MXD3: variants seen among roughly 807,000 people sequenced by gnomAD.
MXD3 encodes MAX dimerization protein 3.
A neutral mutation model predicts 27.5 loss-of-function variants in MXD3; 20 were observed. The observed-to-expected ratio is 0.73, with a 90% CI of 0.51 to 1.06. The LOEUF is 1.06. Ranked by LOEUF, MXD3 falls within the 50% of genes least tolerant of loss-of-function variation. The pLI, the probability that MXD3 is intolerant of heterozygous loss-of-function variation, is 0.00. For missense variants in MXD3, 298 were observed against 291.3 expected (o/e 1.02, Z -0.17); for synonymous variants, 150 against 130.7 (o/e 1.15, Z -1.01).
In MXD3 at chr5:177,311,646, G is replaced by A. The variant is rs1761042688; in HGVS notation, c.70+115C>T. The A allele has an allele frequency of 3.3e-6, 4 of 1,221,302 alleles. No individual in the cohort carries two copies. In the South Asian group the frequency reaches 6.3e-5, roughly 19 times the overall value. 75.7% of individuals were successfully genotyped at this position (1,221,302 alleles called of 1,614,324 possible). The stretch of plus-strand genomic sequence containing the variant: ...GGACTCCTCTCGAGTTGAGGGCGAG[G>A]CGCCCCGGGATTACTGTCCTAGGGC... On this transcript the variant is annotated intron_variant, in intron 1 of 5. Transcript: ENST00000439742.
chr5:177,307,905 C>T lies in MXD3; in HGVS notation c.381G>A (p.Gln127=). 6.3e-7 allele frequency: 1 copy of T among 1,599,840 alleles called. No individual in the cohort carries two copies. The highest frequency in any genetic ancestry group is 8.5e-7 in the Non-Finnish European group (1 of 1,173,854). The stretch of plus-strand genomic sequence containing the variant: ...GCTCCAGCTGCCGCTGCAGGCTCTG[C>T]TGCTTGCTGCGCAGCCTCTCCTTGA... The part of the protein sequence containing the change: ...RQLKERLRSK[Q]QSLQRQLEQL... Residue 127 remains glutamine, a synonymous_variant, in exon 5 of 6, where the codon CAG becomes CAA. Coordinates refer to ENST00000439742, the MANE Select transcript of MXD3 (RefSeq NM_031300.4).
At chr5:177,311,332 G>GCGGCGC (rs1489770753) in intron 2 of MXD3, 47 bp downstream of exon 2, 2 of 1,295,036 alleles carry the variant, frequency 1.5e-6, no homozygotes, top group East Asian at 6.1e-5. Context: ...CCGACCAGGG[G>GCGGCGC]CGGCGCCCAC....
At chr5:177,312,284 T>G (rs912475766), upstream of MXD3, 16 of 986,294 alleles carry the variant, frequency 1.6e-5, no homozygotes, top group African/African-American at 3.5e-5. Flanking sequence ...TGCACGTGGG[T>G]GCCGCGGGGG....
chr5:177,312,281 G>A (rs986701678), upstream of MXD3: 8 of 986,502 alleles, frequency 8.1e-6, no homozygotes, highest in African/African-American at 3.5e-5. Flanking sequence ...CGCTGCACGT[G>A]GGTGCCGCGG....
downstream of MXD3, chr5:177,307,152 A>C (rs574112845): frequency 6.5e-7 from 1 of 1,542,836 alleles, no homozygotes; most frequent in Non-Finnish European, 8.7e-7. Context: ...TTCCTCTTCC[A>C]GTGGGTCTGT....
upstream of MXD3, chr5:177,312,440 G>A (rs916327746): frequency 3.0e-6 from 3 of 985,460 alleles, no homozygotes; most frequent in African/African-American, 3.5e-5. Context: ...CACACGTTCG[G>A]GCGGGAAAAG....
At position 177,307,585 on chromosome 5, in the gene MXD3, ACAT is replaced by A. The variant is rs1439039930; in HGVS notation, c.621_*2del. 1.2e-6 allele frequency: 2 copies of A among 1,612,274 alleles called. No homozygotes were observed. Among genetic ancestry groups the A allele is most frequent in the South Asian group, 1.1e-5 (1 of 91,038 alleles). On this transcript the variant is annotated stop_lost and 3_prime_UTR_variant, in exon 6 of 6. Coordinates refer to ENST00000439742, the MANE Select transcript of MXD3 (RefSeq NM_031300.4). ...GGCAGAGGCCCGCCCTGGGTGAGGAACATCATAGCCAGGCGCCGCCGCCGTGCG... is the reference window on the plus strand; with the variant it reads ...GGCAGAGGCCCGCCCTGGGTGAGGAACATAGCCAGGCGCCGCCGCCGTGCG...
At chr5:177,309,622 G>A (rs1226492206) in intron 4 of MXD3, among the ~76,000 whole-genome samples, 2 of 152,242 alleles carry the variant, frequency 1.3e-5, no homozygotes, top group African/African-American at 4.8e-5. Flanking sequence ...AGCCCCCAGT[G>A]CCTAGAATAG....
chr5:177,307,187 T>G, downstream of MXD3: 1 of 1,550,550 alleles, frequency 6.4e-7, no homozygotes, highest in South Asian at 1.2e-5. Context: ...CCGTTTTCAT[T>G]AGGCAAGACT....
chr5:177,310,184 T>G (rs1336722352), intron 4 of MXD3, among the ~76,000 whole-genome samples: 1 of 152,220 alleles, frequency 6.6e-6, no homozygotes. Flanking sequence ...TGATAACAGC[T>G]GTAACAGCAA....
Position 177,311,804 on chromosome 5 carries a change from C to G in MXD3, c.27G>C (p.Gln9His). 6.2e-7 allele frequency: 1 copy of G among 1,613,000 alleles called. No individual in the cohort carries two copies. Among genetic ancestry groups the G allele is most frequent in the Non-Finnish European group, 8.5e-7 (1 of 1,179,446 alleles). The change falls in exon 1 of 6, where the codon CAG becomes CAC. Residue 9 changes from glutamine to histidine, a missense_variant. Gln to His is a conservative substitution (Grantham distance 24, BLOSUM62 0). Transcript: ENST00000439742. MEPLASNIQVLLQAAEFLE... is the reference protein window; with the variant it reads MEPLASNIHVLLQAAEFLE... The stretch of plus-strand genomic sequence containing the variant: ...GGAACTCGGCCGCCTGCAGCAGGAC[C>G]TGGATGTTGCTGGCCAAGGGTTCCA...
chr5:177,307,580 G>C lies in MXD3; in HGVS notation c.*8C>G. On this transcript the variant is annotated 3_prime_UTR_variant, in exon 6 of 6. Coordinates refer to ENST00000439742, the MANE Select transcript of MXD3 (RefSeq NM_031300.4). ...TAGAGGGCAGAGGCCCGCCCTGGGTGAGGAACATCATAGCCAGGCGCCGCC... is the reference window on the plus strand; with the variant it reads ...TAGAGGGCAGAGGCCCGCCCTGGGTCAGGAACATCATAGCCAGGCGCCGCC... The C allele has an allele frequency of 6.2e-7, 1 of 1,612,080 alleles. No individual in the cohort carries two copies. Among genetic ancestry groups the C allele is most frequent in the Non-Finnish European group, 8.5e-7 (1 of 1,179,838 alleles).
chr5:177,312,647 C>A, upstream of MXD3: 7 of 985,500 alleles, frequency 7.1e-6, no homozygotes, highest in Non-Finnish European at 8.4e-6. Flanking sequence ...GGAATAATAT[C>A]TCGGCCCCCC....
chr5:177,311,321 C>T, intron 2 of MXD3, 58 bp downstream of exon 2: 2 of 1,221,870 alleles, frequency 1.6e-6, no homozygotes, highest in Non-Finnish European at 2.2e-6. Context: ...CAGAGGAGGG[C>T]CCGACCAGGG....
intron 2 of MXD3, 138 bp from the exon 3 acceptor site, chr5:177,310,835 A>G: frequency 1.1e-6 from 1 of 936,520 alleles, no homozygotes; most frequent in Non-Finnish European, 1.7e-6. Flanking sequence ...TGCTGGCCTC[A>G]GACACCAGAG....
chr5:177,306,112 C>G, downstream of MXD3: 1 of 1,613,412 alleles, frequency 6.2e-7, no homozygotes, highest in African/African-American at 1.3e-5. Context: ...TTGGTCTTGC[C>G]CGATTCAAAA....
intron 4 of MXD3, among the ~76,000 whole-genome samples, chr5:177,308,412 G>A (rs921852278): frequency 1.3e-4 from 20 of 150,898 alleles, no homozygotes; most frequent in Admixed American, 2.0e-4. Context: ...TCGCTCTGTC[G>A]CCCAGGCTGG....
chr5:177,310,950 C>T (rs575553502), intron 2 of MXD3: 9 of 595,008 alleles, frequency 1.5e-5, no homozygotes, highest in East Asian at 1.4e-4. Flanking sequence ...TGCCAGCTGG[C>T]CAGAAAGGAC....
chr5:177,311,814 C>T lies in MXD3; in HGVS notation c.17G>A (p.Ser6Asn), dbSNP rs1056805091. 6.2e-7 allele frequency: 1 copy of T among 1,612,630 alleles called. No individual in the cohort carries two copies. The highest frequency in any genetic ancestry group is 1.7e-5 in the Admixed American group (1 of 59,952). The change falls in exon 1 of 6, where the codon AGC (serine) becomes AAC (asparagine). Residue 6 changes from serine (S) to asparagine (N), a missense_variant. Physicochemically the swap from Ser to Asn is conservative, Grantham distance 46. Transcript: ENST00000439742. MEPLA[S>N]NIQVLLQAAE... ...CGCCTGCAGCAGGACCTGGATGTTGCTGGCCAAGGGTTCCATGTCGGCGAC... is the reference window on the plus strand; with the variant it reads ...CGCCTGCAGCAGGACCTGGATGTTGTTGGCCAAGGGTTCCATGTCGGCGAC...
Sources: gnomAD v4.1 joint callset for allele counts (sites outside exome capture counted in the v4.1 genomes callset) on GRCh38, gnomAD v4.1.1 for gene constraint, MANE v1.5 for transcripts, NCBI Gene and HGNC (gene_info 2026-07-23, HGNC 2026-07-21) for gene names.